Variants in TMEM132B observed in about 807,000 individuals in gnomAD.
The protein encoded by TMEM132B is transmembrane protein 132B.
A neutral mutation model predicts 90.8 loss-of-function variants in TMEM132B; 18 were observed. The ratio of observed to expected loss-of-function variants is 0.20; its 90% CI spans 0.14 to 0.29. The LOEUF is 0.29. TMEM132B is among the 10% of genes least tolerant of loss of function. The pLI, the probability that TMEM132B is intolerant of heterozygous loss-of-function variation, is 1.00. For synonymous variants in TMEM132B, 504 were observed against 523.3 expected (o/e 0.96, Z 0.50); for missense variants, 1,096 against 1,326.8 (o/e 0.83, Z 2.70).
intron 1 of TMEM132B, among the ~76,000 whole-genome samples, chr12:125,253,591 C>A (rs140554146): frequency 6.6e-6 from 1 of 152,020 alleles, no homozygotes; most frequent in African/African-American, 2.4e-5. Context: ...TGTACCACCA[C>A]GCCCAGCTAA....
intron 2 of TMEM132B, among the ~76,000 whole-genome samples, chr12:125,385,405 A>G (rs1297594244): frequency 6.6e-6 from 1 of 152,192 alleles, no homozygotes; most frequent in Non-Finnish European, 1.5e-5. Context: ...GAGCCTCACC[A>G]TGTCTCTTTG....
chr12:125,567,446 C>T (rs181551607), intron 4 of TMEM132B, among the ~76,000 whole-genome samples: 3 of 152,052 alleles, frequency 2.0e-5, no homozygotes, highest in Admixed American at 6.6e-5. Flanking sequence ...CCCTGCCCCA[C>T]ACATCTCTTT....
chr12:125,272,379 G>A (rs1023089246), intron 1 of TMEM132B, among the ~76,000 whole-genome samples: 1 of 152,122 alleles, frequency 6.6e-6, no homozygotes, highest in Non-Finnish European at 1.5e-5. Context: ...TTGATGAATA[G>A]GGCGTCCCTG....
At chr12:125,252,140 T>C (rs1312808827) in intron 1 of TMEM132B, among the ~76,000 whole-genome samples, 1 of 152,214 alleles carries the variant, frequency 6.6e-6, no homozygotes, top group Non-Finnish European at 1.5e-5. Context: ...TAAGAAATTC[T>C]CTTGGGTGAT....
intron 1 of TMEM132B, among the ~76,000 whole-genome samples, chr12:125,290,268 T>C (rs868557576): frequency 1.3e-5 from 2 of 152,216 alleles, no homozygotes; most frequent in South Asian, 4.1e-4. Flanking sequence ...TCTGCTCTTA[T>C]TGATTTATGA....
chr12:125,206,557 C>G (rs1443458920), intron 1 of TMEM132B, among the ~76,000 whole-genome samples: 2 of 152,052 alleles, frequency 1.3e-5, no homozygotes, highest in Non-Finnish European at 2.9e-5. Context: ...TAAACGAGGT[C>G]CTCACAGTCT....
rs1555248848 is a variant in TMEM132B, at chr12:125,432,511, G to GTGTATATATA, written c.1106+16835_1106+16836insGTATATATAT. Among the ~76,000 whole-genome samples, 15 of 18,550 alleles carry GTGTATATATA rather than the reference G, an allele frequency of 8.1e-4. 4 individuals are homozygous for GTGTATATATA. Among genetic ancestry groups the GTGTATATATA allele is most frequent in the East Asian group, 2.8e-3 (1 of 356 alleles). 12.2% of individuals were successfully genotyped at this position (18,550 alleles called of 152,430 possible). ...TGTATGTGTATATATATGTGTGTGTGTATATATATATATATATAGAGAGAG... is the reference window on the plus strand; with the variant it reads ...TGTATGTGTATATATATGTGTGTGTGTGTATATATATATATATATATATATATAGAGAGAG... On this transcript the variant is annotated intron_variant, in intron 3 of 8. Transcript: ENST00000682704.
chr12:125,381,238 C>T (rs778047161), intron 2 of TMEM132B, among the ~76,000 whole-genome samples: 3 of 152,200 alleles, frequency 2.0e-5, no homozygotes, highest in Non-Finnish European at 2.9e-5. Context: ...ATAGACATCT[C>T]ATGCTGTACA....
intron 1 of TMEM132B, among the ~76,000 whole-genome samples, chr12:125,313,759 G>A (rs1876181823): frequency 7.5e-6 from 1 of 133,940 alleles, no homozygotes; most frequent in Non-Finnish European, 1.6e-5. Flanking sequence ...TGGCTTCACG[G>A]ACATGGGACT....
At chr12:125,465,328 T>G (rs1396099346) in intron 3 of TMEM132B, among the ~76,000 whole-genome samples, 1 of 152,240 alleles carries the variant, frequency 6.6e-6, no homozygotes, top group Non-Finnish European at 1.5e-5. Context: ...GTGCTGACAC[T>G]TCTAACTAGT....
At chr12:125,221,836 G>A (rs141647610) in intron 1 of TMEM132B, among the ~76,000 whole-genome samples, 244 of 152,322 alleles carry the variant, frequency 1.6e-3, no homozygotes, top group Non-Finnish European at 2.5e-3. Context: ...GGTATAACTT[G>A]GACAACTTGT....
In TMEM132B at chr12:125,277,584, G is replaced by T. The variant is rs1875031563; in HGVS notation, c.68-71868G>T. Among the ~76,000 whole-genome samples, 1 of 151,684 alleles carries T rather than the reference G, an allele frequency of 6.6e-6. No individual in the cohort carries two copies. Among genetic ancestry groups the T allele is most frequent in the South Asian group, 2.1e-4 (1 of 4,792 alleles). On this transcript the variant is annotated intron_variant, in intron 1 of 8. Transcript: ENST00000682704. The surrounding 1 kb of genome is among the most constrained non-coding windows in gnomAD (Gnocchi z 4.3). Reference sequence around the variant, plus strand: ...GATGCAGCAGAGATTGGAGTGACGTGCCTACATGCCAGGGAACACCAAGGG... The same window carrying T: ...GATGCAGCAGAGATTGGAGTGACGTTCCTACATGCCAGGGAACACCAAGGG...
chr12:125,302,080 A>C (rs1875841763), intron 1 of TMEM132B, among the ~76,000 whole-genome samples: 1 of 150,766 alleles, frequency 6.6e-6, no homozygotes, highest in Non-Finnish European at 1.5e-5. Flanking sequence ...CGTGCCTGTA[A>C]TCCCAGCTAC....
chr12:125,518,862 G>A (rs2615668), intron 3 of TMEM132B, among the ~76,000 whole-genome samples: 49,281 of 151,984 alleles, frequency 0.32, 12,099 homozygotes, highest in East Asian at 0.74. Flanking sequence ...TATGTTGCTC[G>A]TAGTTTATGT....
intron 4 of TMEM132B, among the ~76,000 whole-genome samples, chr12:125,526,914 T>A (rs1883478505): frequency 6.7e-6 from 1 of 149,832 alleles, no homozygotes; most frequent in Admixed American, 6.6e-5. Context: ...CACCCTTCCA[T>A]CCACCCATTT....
At chr12:125,235,802 CTTT>C (rs61643412) in intron 1 of TMEM132B, among the ~76,000 whole-genome samples, 2 of 107,414 alleles carry the variant, frequency 1.9e-5, no homozygotes, top group Non-Finnish European at 1.8e-5. Flanking sequence ...CACTTCATTC[CTTT>C]TTTTTTTTTT....
intron 5 of TMEM132B, among the ~76,000 whole-genome samples, chr12:125,604,875 T>G (rs1282067413): frequency 6.6e-6 from 1 of 152,228 alleles, no homozygotes; most frequent in Non-Finnish European, 1.5e-5. Flanking sequence ...CTCATAGGCA[T>G]GTAGCCAGGT....
intron 1 of TMEM132B, among the ~76,000 whole-genome samples, chr12:125,321,910 C>G (rs538792310): frequency 6.6e-6 from 1 of 151,974 alleles, no homozygotes; most frequent in African/African-American, 2.4e-5. Context: ...CTGGAAACAA[C>G]CTAAATGTCC....
chr12:125,423,607 C>G (rs61481729), intron 3 of TMEM132B, among the ~76,000 whole-genome samples: 2 of 152,146 alleles, frequency 1.3e-5, no homozygotes, highest in Non-Finnish European at 2.9e-5. Context: ...CCAGTTTCAT[C>G]TTAAGTATAA....
Sources: gnomAD v4.1 joint callset for allele counts (sites outside exome capture counted in the v4.1 genomes callset) on GRCh38, gnomAD v4.1.1 for gene constraint, Gnocchi (gnomAD v3.1) non-coding constraint, MANE v1.5 for transcripts, NCBI Gene and HGNC (gene_info 2026-07-23, HGNC 2026-07-21) for gene names.